GOLGA3: variants seen among roughly 807,000 people sequenced by gnomAD.
The protein encoded by GOLGA3 is golgin subfamily A member 3.
In GOLGA3, 75 loss-of-function variants were observed where a neutral mutation model predicts 169.4. The observed-to-expected ratio is 0.44, with a 90% CI of 0.37 to 0.54. The LOEUF is 0.54. GOLGA3 is among the 20% of genes least tolerant of loss of function. The pLI, the probability that GOLGA3 is intolerant of heterozygous loss-of-function variation, is 0.00. For missense variants in GOLGA3, 1,899 were observed against 1,930.0 expected, an observed-to-expected ratio of 0.98 and a Z score of 0.30; for synonymous variants, 824 against 822.4, an observed-to-expected ratio of 1.00 and a Z score of -0.03.
rs1221774558 is a variant in GOLGA3 at position 132,784,234 on chromosome 12, T to A, written c.3197A>T (p.Gln1066Leu). The change falls in exon 16 of 24, where the codon CAG becomes CTG. Residue 1066 changes from glutamine to leucine, a missense_variant. Coordinates refer to ENST00000450791, the MANE Select transcript of GOLGA3 (RefSeq NM_001389683.1). ...HSKTLLEKEL[Q>L]EVIALTSQEL... ...CTGGCTGGTCAGCGCTATGACCTCC[T>A]GCAGTTCCTTTTCCAGCAGCGTCTT... 1 of 1,611,272 alleles carries A rather than the reference T, an allele frequency of 6.2e-7. No individual in the cohort carries two copies. Among genetic ancestry groups the A allele is most frequent in the African/African-American group, 1.3e-5 (1 of 75,060 alleles).
intron 2 of GOLGA3, among the ~76,000 whole-genome samples, chr12:132,820,101 G>A (rs994757902): frequency 2.0e-5 from 3 of 152,054 alleles, no homozygotes; most frequent in East Asian, 1.9e-4. Context: ...GCTTGAACCC[G>A]GGAGGCGGAG....
intron 13 of GOLGA3, among the ~76,000 whole-genome samples, chr12:132,787,672 T>C (rs1287247059): frequency 7.2e-5 from 2 of 27,670 alleles, no homozygotes; most frequent in African/African-American, 1.2e-4. Flanking sequence ...CCGGGACCCC[T>C]CCCCGGAGAC....
At chr12:132,810,262 A>T (rs1339184802) in intron 4 of GOLGA3, among the ~76,000 whole-genome samples, 3 of 152,104 alleles carry the variant, frequency 2.0e-5, no homozygotes, top group African/African-American at 4.8e-5. Context: ...ACAAAAAAAA[A>T]TTTCTTCAAA....
intron 12 of GOLGA3, among the ~76,000 whole-genome samples, chr12:132,790,724 C>A (rs964786245): frequency 1.3e-5 from 2 of 151,924 alleles, no homozygotes; most frequent in African/African-American, 4.8e-5. Flanking sequence ...GGAAGTGTGT[C>A]TTGACTTTGC....
Position 132,826,105 on chromosome 12 carries a change from G to A in GOLGA3, c.-184+2698C>T, listed in dbSNP as rs138489535. On this transcript the variant is annotated intron_variant, in intron 1 of 23. Transcript: ENST00000450791. ...CAGTGGGCGAGTGCCGGCCTTGCCG[G>A]CCTCTGAGCAAGACAGTGCACCTCA... 9.2e-4 allele frequency: 1,392 copies of A among 1,520,288 alleles called. 7 individuals carry two copies. In the African/African-American group the frequency reaches 0.017, roughly 18 times the overall value. The allele number at this position is 1,520,288 out of a possible 1,614,324, so 94.2% of individuals were successfully genotyped here.
intron 20 of GOLGA3, 68 bp downstream of exon 20, chr12:132,776,890 G>T: frequency 6.5e-7 from 1 of 1,545,928 alleles, no homozygotes; most frequent in Non-Finnish European, 8.7e-7. Context: ...CCCCAAGCAG[G>T]ATGGAGTGAA....
intron 5 of GOLGA3, among the ~76,000 whole-genome samples, chr12:132,807,678 T>C (rs1299959497): frequency 6.6e-6 from 1 of 152,182 alleles, no homozygotes; most frequent in Non-Finnish European, 1.5e-5. Flanking sequence ...AAAAGCTGTG[T>C]ATCACCTGTT....
At chr12:132,805,162 C>G (rs952603161) in intron 6 of GOLGA3, 140 bp from the exon 7 acceptor site, 5 of 889,728 alleles carry the variant, frequency 5.6e-6, no homozygotes, top group Admixed American at 5.5e-5. Flanking sequence ...CAAGGCCTGA[C>G]AGAGGACCCC....
Position 132,777,568 on chromosome 12 carries a change from A to G in GOLGA3, c.3722+98T>C. The G allele has an allele frequency of 7.1e-7, 1 of 1,403,464 alleles. No homozygotes were observed. The highest frequency in any genetic ancestry group is 1.4e-5 in the African/African-American group (1 of 69,960). The allele number at this position is 1,403,464 out of a possible 1,614,324, so 86.9% of individuals were successfully genotyped here. A position where few individuals can be genotyped will look rare whatever the true frequency, so the allele number is the denominator to read the frequency against. On this transcript the variant is annotated intron_variant, in intron 19 of 23. Coordinates refer to ENST00000450791, the MANE Select transcript of GOLGA3 (RefSeq NM_001389683.1). The surrounding 1 kb of genome is among the most constrained non-coding windows in gnomAD (Gnocchi z 4.7). ...TTCACTCAAGTACTCGGCAATTTGC[A>G]AAATATAGATGACCCTCGCTGTGCT...
chr12:132,789,008 C>A lies in GOLGA3; in HGVS notation c.2811+19G>T. Reference sequence around the variant, plus strand: ...GCCGAATCCTCCCCATCAAATGAGTCAACCCGACACGGACAGACCTGCAAG... The same window carrying A: ...GCCGAATCCTCCCCATCAAATGAGTAAACCCGACACGGACAGACCTGCAAG... On this transcript the variant is annotated intron_variant, in intron 13 of 23. Transcript: ENST00000450791. The A allele has an allele frequency of 7.0e-7, 1 of 1,420,924 alleles. No homozygotes were observed. The highest frequency in any genetic ancestry group is 1.3e-5 in the South Asian group (1 of 77,132). The allele number at this position is 1,420,924 out of a possible 1,614,324, so 88.0% of individuals were successfully genotyped here. A position where few individuals can be genotyped will look rare whatever the true frequency, so the allele number is the denominator to read the frequency against.
chr12:132,782,595 G>T, intron 16 of GOLGA3, 102 bp from the exon 17 acceptor site: 1 of 928,850 alleles, frequency 1.1e-6, no homozygotes, highest in Non-Finnish European at 1.8e-6. Flanking sequence ...CGAAAACTTA[G>T]GCCAGGCGCA....
chr12:132,812,192 TAC>T (rs140337948), intron 4 of GOLGA3, among the ~76,000 whole-genome samples: 3 of 135,008 alleles, frequency 2.2e-5, no homozygotes, highest in Non-Finnish European at 4.6e-5. Flanking sequence ...TGTCTCAAAA[TAC>T]ACACACACAC....
At chr12:132,788,962 A>C (rs1593272392) in intron 13 of GOLGA3, 65 bp downstream of exon 13, 101 of 310,138 alleles carry the variant, frequency 3.3e-4, no homozygotes, top group South Asian at 7.3e-4. Flanking sequence ...CACAGGCCCC[A>C]CCCTCCCGAC....
At position 132,777,773 on chromosome 12, in the gene GOLGA3, G is replaced by A. The variant is rs771115160; in HGVS notation, c.3615C>T (p.Asn1205=). 2.5e-6 allele frequency: 4 copies of A among 1,613,622 alleles called. No homozygotes were observed. Among genetic ancestry groups the A allele is most frequent in the South Asian group, 2.2e-5 (2 of 91,086 alleles). Residue 1205 remains asparagine, a synonymous_variant, in exon 19 of 24, where the codon AAC becomes AAT. Transcript: ENST00000450791. This position sits in a 1 kb window ranked among gnomAD's most constrained non-coding sequence, Gnocchi z 4.7. The part of the protein sequence containing the change: ...VAAAKVEAGH[N]RRHFKAASLE... ...AGGAGGCCGCCTTGAAGTGGCGGCG[G>A]TTATGCCCGGCTTCCACCTTGGCAG...
rs1363043489 is a variant in GOLGA3 at position 132,791,220 on chromosome 12, T to C, written c.2543A>G (p.Gln848Arg). The change falls in exon 12 of 24, where the codon CAA becomes CGA. Residue 848 changes from glutamine (Q) to arginine (R), a missense_variant. Gln to Arg is a conservative substitution (Grantham distance 43, BLOSUM62 1). Coordinates refer to ENST00000450791, the MANE Select transcript of GOLGA3 (RefSeq NM_001389683.1). ...MQKIKEQFLQ[Q>R]KVMVEAYRRD... ...AAATCAACAACAGATTTTTACCTTTTGTTGGAGAAACTGTTCCTTTATTTT... is the reference window on the plus strand; with the variant it reads ...AAATCAACAACAGATTTTTACCTTTCGTTGGAGAAACTGTTCCTTTATTTT... The C allele has an allele frequency of 1.3e-6, 2 of 1,582,170 alleles. No homozygotes were observed. Among genetic ancestry groups the C allele is most frequent in the Admixed American group, 3.3e-5 (2 of 59,862 alleles).
intron 4 of GOLGA3, among the ~76,000 whole-genome samples, chr12:132,811,046 GC>G (rs1477487499): frequency 3.0e-4 from 45 of 152,298 alleles, no homozygotes; most frequent in African/African-American, 1.0e-3. Context: ...GCAGGGGAGG[GC>G]CCCCTGTCCA....
rs1259727924 is a variant in GOLGA3 at position 132,780,830 on chromosome 12, C to CCTT, written c.3547_3549dup (p.Lys1183dup). ...TTGAGGCTGTTCACCTTCTCCTTCT[C>CCTT]CTTCTCTAGTGAGGCCTGCAGGGCC... On this transcript the variant is annotated inframe_insertion, in exon 18 of 24. Coordinates refer to ENST00000450791, the MANE Select transcript of GOLGA3 (RefSeq NM_001389683.1). The CCTT allele has an allele frequency of 6.2e-7, 1 of 1,611,904 alleles. No individual in the cohort carries two copies. Among genetic ancestry groups the CCTT allele is most frequent in the Non-Finnish European group, 8.5e-7 (1 of 1,179,742 alleles).
rs756014015 is a variant in GOLGA3, at chr12:132,813,290, G to A, written c.519+17C>T. 77 of 1,513,860 alleles carry A rather than the reference G, an allele frequency of 5.1e-5. No homozygotes were observed. The East Asian group carries it at 1.1e-3, about 22-fold the overall frequency. The allele number at this position is 1,513,860 out of a possible 1,614,324, so 93.8% of individuals were successfully genotyped here. ...CAGGAAGCTTTCCATGAGCTTGTTC[G>A]GGAGAGGGAGACTCACCCTCTCCTG... On this transcript the variant is annotated intron_variant, in intron 4 of 23. Coordinates refer to ENST00000450791, the MANE Select transcript of GOLGA3 (RefSeq NM_001389683.1).
At chr12:132,811,339 C>A (rs1949699470) in intron 4 of GOLGA3, among the ~76,000 whole-genome samples, 1 of 152,176 alleles carries the variant, frequency 6.6e-6, no homozygotes, top group African/African-American at 2.4e-5. Flanking sequence ...AGAGCAGCTA[C>A]CCCACCCCCA....
Sources: allele counts gnomAD v4.1 joint callset (sites outside exome capture counted in the v4.1 genomes callset), GRCh38; gene constraint gnomAD v4.1.1; non-coding constraint Gnocchi (gnomAD v3.1); transcripts MANE v1.5; gene names NCBI Gene and HGNC (gene_info 2026-07-23, HGNC 2026-07-21).